The following GLG1 variants were observed in gnomAD, a reference collection of about 807,000 sequenced individuals.
The protein encoded by GLG1 is Golgi apparatus protein 1.
A neutral mutation model predicts 160.5 loss-of-function variants in GLG1; 38 were observed. That is an observed-to-expected ratio of 0.24 (90% confidence interval 0.18 to 0.31). The LOEUF (loss-of-function observed/expected upper bound fraction) is 0.31. GLG1 is among the 10% of genes least tolerant of loss of function. The pLI is 1.00. For missense variants in GLG1, 1,373 were observed against 1,505.2 expected, an observed-to-expected ratio of 0.91 and a Z score of 1.45; for synonymous variants, 644 against 543.4, an observed-to-expected ratio of 1.19 and a Z score of -2.57.
At chr16:74,580,480 C>G (rs1247287265) in intron 1 of GLG1, among the ~76,000 whole-genome samples, 1 of 152,104 alleles carries the variant, frequency 6.6e-6, no homozygotes, top group African/African-American at 2.4e-5. Context: ...GCATAGGAAA[C>G]AGAGAGAGAC....
intron 1 of GLG1, among the ~76,000 whole-genome samples, chr16:74,537,038 T>C (rs1004618346): frequency 7.2e-5 from 11 of 152,138 alleles, no homozygotes; most frequent in South Asian, 2.1e-4. Context: ...CCTCTTACTA[T>C]GGAAAACTGT....
At chr16:74,532,328 A>G (rs967816499) in intron 1 of GLG1, among the ~76,000 whole-genome samples, 175 bp from the exon 2 acceptor site, 6 of 151,870 alleles carry the variant, frequency 4.0e-5, no homozygotes, top group African/African-American at 1.4e-4. Flanking sequence ...CATATCTTTT[A>G]GGCTGTTGGG....
At chr16:74,472,290 G>T in intron 14 of GLG1, 59 bp downstream of exon 14, 3 of 1,110,354 alleles carry the variant, frequency 2.7e-6, no homozygotes, top group Non-Finnish European at 4.2e-6. Flanking sequence ...GATACTCAGG[G>T]GAGAGTCCCT....
At chr16:74,552,427 G>A (rs1351669390) in intron 1 of GLG1, 2 of 550,334 alleles carry the variant, frequency 3.6e-6, no homozygotes, top group South Asian at 1.5e-5. Flanking sequence ...AAGGCTACAT[G>A]AAGGAACGGT....
chr16:74,566,183 A>G (rs1232933015), intron 1 of GLG1, among the ~76,000 whole-genome samples: 2 of 152,184 alleles, frequency 1.3e-5, no homozygotes, highest in African/African-American at 4.8e-5. Context: ...CCACTGTAAA[A>G]TGATTCCCTT....
chr16:74,472,968 A>C (rs1346313255), intron 13 of GLG1: 2 of 157,348 alleles, frequency 1.3e-5, no homozygotes, highest in African/African-American at 4.8e-5. Context: ...TGATAATGTG[A>C]GAGATGACGA....
In GLG1 at chr16:74,462,626, G is replaced by A. The variant is rs2014847118; in HGVS notation, c.2796C>T (p.Tyr932=). The stretch of plus-strand genomic sequence containing the variant: ...CTTTTCTTAACATGGGGTTTAAGCG[G>A]TAATCTAGAGTAGAAAGCAGTGAGC... ...TKRQITQNTD[Y]RLNPMLRKAC... The change falls in exon 21 of 26, where the codon TAC becomes TAT. Residue 932 remains tyrosine (Y), a synonymous_variant. Transcript: ENST00000422840. 3.1e-6 allele frequency: 5 copies of A among 1,613,828 alleles called. No homozygotes were observed. Among genetic ancestry groups the A allele is most frequent in the Non-Finnish European group, 3.4e-6 (4 of 1,179,838 alleles).
intron 1 of GLG1, among the ~76,000 whole-genome samples, chr16:74,596,601 C>T (rs1958308792): frequency 6.6e-6 from 1 of 152,208 alleles, no homozygotes; most frequent in Non-Finnish European, 1.5e-5. Context: ...TTTATACTTA[C>T]AGCACATCTC....
chr16:74,528,028 A>T (rs1226526783), intron 2 of GLG1, among the ~76,000 whole-genome samples: 2 of 150,296 alleles, frequency 1.3e-5, no homozygotes, highest in Admixed American at 1.3e-4. Flanking sequence ...GGGACTACAG[A>T]TGCCCACCAC....
intron 7 of GLG1, among the ~76,000 whole-genome samples, chr16:74,492,365 CAA>C (rs557279333): frequency 2.9e-4 from 29 of 98,920 alleles, no homozygotes; most frequent in Admixed American, 5.7e-4. Flanking sequence ...GACTCTGTCT[CAA>C]AAAAAAAAAA....
intron 2 of GLG1, among the ~76,000 whole-genome samples, chr16:74,515,589 T>C (rs1285151334): frequency 1.3e-5 from 2 of 151,892 alleles, no homozygotes; most frequent in Admixed American, 1.3e-4. Flanking sequence ...CATTAGGAGA[T>C]ATACCTAATG....
chr16:74,452,864 G>A lies in GLG1; in HGVS notation c.*303C>T, dbSNP rs577224986. On this transcript the variant is annotated 3_prime_UTR_variant, in exon 26 of 26. Coordinates refer to ENST00000422840, the MANE Select transcript of GLG1 (RefSeq NM_001145667.2). ...CTTTGAGTTGCAGGTCAGGTGAGTT[G>A]GTTCTGGAAGTACCGGAAGTTCTGT... 3.7e-6 allele frequency: 4 copies of A among 1,088,920 alleles called. No homozygotes were observed. Among genetic ancestry groups the A allele is most frequent in the Non-Finnish European group, 3.3e-6 (3 of 897,638 alleles). 67.5% of individuals were successfully genotyped at this position (1,088,920 alleles called of 1,614,324 possible).
chr16:74,538,272 G>A (rs2017739788), intron 1 of GLG1, among the ~76,000 whole-genome samples: 1 of 150,484 alleles, frequency 6.6e-6, no homozygotes, highest in Non-Finnish European at 1.5e-5. Context: ...CTTTCAATTG[G>A]AGACACTCTG....
intron 1 of GLG1, among the ~76,000 whole-genome samples, chr16:74,581,037 T>C (rs565103921): frequency 1.3e-5 from 2 of 152,170 alleles, no homozygotes; most frequent in Non-Finnish European, 1.5e-5. Context: ...CTCTGAACTG[T>C]TGGTGGGAAT....
intron 1 of GLG1, among the ~76,000 whole-genome samples, chr16:74,575,922 C>T (rs1053306598): frequency 1.3e-5 from 2 of 152,106 alleles, no homozygotes; most frequent in East Asian, 3.9e-4. Flanking sequence ...CCAAACTAGC[C>T]AGGCGCGGTG....
At chr16:74,590,512 T>C (rs1958151314) in intron 1 of GLG1, among the ~76,000 whole-genome samples, 1 of 148,508 alleles carries the variant, frequency 6.7e-6, no homozygotes. Flanking sequence ...TCCCAGCTAC[T>C]CAGAAGGCTG....
intron 1 of GLG1, among the ~76,000 whole-genome samples, chr16:74,582,828 TAAATAAAATAAAATAAAATAAAATA>T (rs144626583): frequency 6.8e-5 from 10 of 147,518 alleles, no homozygotes; most frequent in Admixed American, 1.4e-4. Context: ...CTCAAAAAAA[TAAATAAAATAAAATAAAATAAAATA>T]AAATAAAATA....
intron 2 of GLG1, among the ~76,000 whole-genome samples, chr16:74,517,243 C>CA (rs1253192032): frequency 6.6e-6 from 1 of 151,582 alleles, no homozygotes; most frequent in African/African-American, 2.4e-5. Flanking sequence ...TGGCACACAA[C>CA]AAAAAAAGGG....
chr16:74,530,232 T>C (rs1247918434), intron 2 of GLG1, among the ~76,000 whole-genome samples: 2 of 152,160 alleles, frequency 1.3e-5, no homozygotes, highest in East Asian at 3.9e-4. Context: ...ACAACAAATA[T>C]CCTTTTATAG....
Sources: allele counts gnomAD v4.1 joint callset (sites outside exome capture counted in the v4.1 genomes callset), GRCh38; gene constraint gnomAD v4.1.1; transcripts MANE v1.5; gene names NCBI Gene and HGNC (gene_info 2026-07-23, HGNC 2026-07-21).